Variants in UBR4 observed in about 807,000 individuals in gnomAD.
UBR4 encodes E3 ubiquitin-protein ligase UBR4.
Under a neutral mutation model 575.6 loss-of-function variants are expected in UBR4, and 124 were observed. That is an observed-to-expected ratio of 0.22 (90% CI 0.19 to 0.25). The LOEUF (loss-of-function observed/expected upper bound fraction) is 0.25, where lower values mean the gene tolerates loss of function less well. Ranked by LOEUF, UBR4 falls within the 10% of genes least tolerant of loss-of-function variation. UBR4 has a pLI of 1.00. For synonymous variants in UBR4, 2,455 were observed against 2,473.7 expected, an observed-to-expected ratio of 0.99 and a Z score of 0.22; for missense variants, 4,818 against 6,478.8, an observed-to-expected ratio of 0.74 and a Z score of 8.80.
intron 97 of UBR4, among the ~76,000 whole-genome samples, chr1:19,092,089 C>A (rs1323432688): frequency 1.3e-5 from 2 of 151,834 alleles, no homozygotes; most frequent in African/African-American, 4.8e-5. Flanking sequence ...GTGCCAGGGG[C>A]TTGTGGCAGG....
At position 19,153,185 on chromosome 1, in the gene UBR4, T is replaced by C. The variant is rs2085972313; in HGVS notation, c.6832+116A>G. 12 of 1,213,668 alleles carry C rather than the reference T, an allele frequency of 9.9e-6. No homozygotes were observed. Among genetic ancestry groups the C allele is most frequent in the Non-Finnish European group, 1.4e-5 (12 of 859,526 alleles). 75.2% of individuals were successfully genotyped at this position (1,213,668 alleles called of 1,614,324 possible). ...CTTTTGGGAAATTAACTTTACAAAA[T>C]GTGCAAGTAGGACAGTCACATTTCT... On this transcript the variant is annotated intron_variant, in intron 46 of 105. Coordinates refer to ENST00000375254, the MANE Select transcript of UBR4 (RefSeq NM_020765.3). This position sits in a 1 kb window ranked among gnomAD's most constrained non-coding sequence, Gnocchi z 4.1.
intron 69 of UBR4, 93 bp from the exon 70 acceptor site, chr1:19,119,794 C>G: frequency 1.4e-6 from 2 of 1,480,768 alleles, no homozygotes; most frequent in Non-Finnish European, 9.1e-7. Context: ...AATTTCCCCA[C>G]AATTATGGGT....
chr1:19,208,186 G>A (rs993720286), intron 1 of UBR4, among the ~76,000 whole-genome samples: 2 of 151,834 alleles, frequency 1.3e-5, no homozygotes, highest in African/African-American at 2.4e-5. Context: ...CTTGCCTTCC[G>A]GCTGGGCACG....
chr1:19,187,401 G>C lies in UBR4; in HGVS notation c.1494+40C>G, dbSNP rs140909502. On this transcript the variant is annotated intron_variant, in intron 12 of 105. Transcript: ENST00000375254. ...GCTTGCTTGGCCAGAAGTGGATCCCGCAATCAATATGCTGATTACCATGGG... is the reference window on the plus strand; with the variant it reads ...GCTTGCTTGGCCAGAAGTGGATCCCCCAATCAATATGCTGATTACCATGGG... 1.9e-6 allele frequency: 3 copies of C among 1,611,560 alleles called. No homozygotes were observed. The African/African-American group carries it at 4.0e-5, about 22-fold the overall frequency.
At chr1:19,128,076 G>GAAT (rs1486324688) in intron 62 of UBR4, 135 bp downstream of exon 62, 1 of 854,740 alleles carries the variant, frequency 1.2e-6, no homozygotes, top group African/African-American at 1.7e-5. Flanking sequence ...CGCTTTTGTT[G>GAAT]ACTCAACAGA....
chr1:19,166,939 G>T (rs2088594877), intron 29 of UBR4, 83 bp downstream of exon 29: 9 of 1,409,932 alleles, frequency 6.4e-6, no homozygotes, highest in South Asian at 2.4e-5. Flanking sequence ...AGCTATTAAT[G>T]ACCTAAAGGC....
At chr1:19,087,615 A>G (rs994815932) in intron 99 of UBR4, among the ~76,000 whole-genome samples, 1 of 152,268 alleles carries the variant, frequency 6.6e-6, no homozygotes, top group Non-Finnish European at 1.5e-5. Context: ...CATGATGATG[A>G]TAAAGATAAC....
chr1:19,079,510 A>G (rs1368403571), intron 103 of UBR4: 1 of 152,226 alleles, frequency 6.6e-6, no homozygotes, highest in Admixed American at 6.5e-5. Context: ...TGTACTTGCA[A>G]GTTCCTGGCA....
Position 19,187,164 on chromosome 1 carries a change from C to T in UBR4, c.1632G>A (p.Lys544=). Residue 544 remains lysine (K), a splice_region_variant and synonymous_variant, in exon 13 of 106, where the codon AAG becomes AAA. Coordinates refer to ENST00000375254, the MANE Select transcript of UBR4 (RefSeq NM_020765.3). ...LLTLLSTSYR[K]ACVLQRQRKG... ...TATCAATGGCTTAACTCCCACCCAC[C>T]TTTCTGTAGGAAGTTGAAAGTAACG... 3.7e-6 allele frequency: 6 copies of T among 1,606,486 alleles called. No homozygotes were observed. Among genetic ancestry groups the T allele is most frequent in the Non-Finnish European group, 5.1e-6 (6 of 1,175,580 alleles).
chr1:19,160,274 A>G lies in UBR4; in HGVS notation c.5414T>C (p.Phe1805Ser), dbSNP rs1557843322. 6.2e-7 allele frequency: 1 copy of G among 1,605,242 alleles called. No individual in the cohort carries two copies. Among genetic ancestry groups the G allele is most frequent in the Admixed American group, 1.7e-5 (1 of 58,350 alleles). Residue 1805 changes from phenylalanine (F) to serine (S), a missense_variant, in exon 39 of 106, where the codon TTC becomes TCC. Around this residue, in one of 29 missense-constraint regions of UBR4, gnomAD observed 159 missense variants for 174.6 expected, o/e 0.91. Coordinates refer to ENST00000375254, the MANE Select transcript of UBR4 (RefSeq NM_020765.3). ...GTCTAACACGAGAGGAGCGAAGGAG[A>G]AATTGGCCTGAGAAAAATAGAAAAA... ...CREELQNQAN[F>S]SFAPLVLDML...
intron 87 of UBR4, among the ~76,000 whole-genome samples, chr1:19,103,247 T>C (rs1570496072): frequency 2.0e-5 from 3 of 152,224 alleles, no homozygotes; most frequent in African/African-American, 4.8e-5. Flanking sequence ...AAATGTTTAA[T>C]ATGCTTATAG....
intron 73 of UBR4, among the ~76,000 whole-genome samples, chr1:19,116,443 C>A (rs1392175133): frequency 6.6e-6 from 1 of 151,974 alleles, no homozygotes; most frequent in African/African-American, 2.4e-5. Context: ...CTTTTCAAGG[C>A]AAGAAGAGAA....
intron 84 of UBR4, 118 bp from the exon 85 acceptor site, chr1:19,105,307 C>A: frequency 8.0e-7 from 1 of 1,257,122 alleles, no homozygotes; most frequent in East Asian, 2.5e-5. Context: ...CTCCTGCTTC[C>A]TAGAGGGTGG....
chr1:19,155,721 C>G lies in UBR4; in HGVS notation c.6073-53G>C. ...GGGAAATCTATCTCAGTCCCATCCC[C>G]CAAATATCTTAGTGAATCCAAATAG... On this transcript the variant is annotated intron_variant, in intron 42 of 105. Transcript: ENST00000375254. 4 of 1,488,540 alleles carry G rather than the reference C, an allele frequency of 2.7e-6. No homozygotes were observed. The South Asian group carries it at 3.4e-5, about 13-fold the overall frequency. 92.2% of individuals were successfully genotyped at this position (1,488,540 alleles called of 1,614,324 possible). A position where few individuals can be genotyped will look rare whatever the true frequency, so the allele number is the denominator to read the frequency against.
Position 19,139,867 on chromosome 1 carries a change from G to C in UBR4, c.8594-647C>G, listed in dbSNP as rs1033025636. 2.0e-5 allele frequency among the ~76,000 whole-genome samples: 3 copies of C among 152,262 alleles called. No individual in the cohort carries two copies. Among genetic ancestry groups the C allele is most frequent in the East Asian group, 1.9e-4 (1 of 5,178 alleles). On this transcript the variant is annotated intron_variant, in intron 58 of 105. Coordinates refer to ENST00000375254, the MANE Select transcript of UBR4 (RefSeq NM_020765.3). This position sits in a 1 kb window ranked among gnomAD's most constrained non-coding sequence, Gnocchi z 4.2. ...TCCCCAGAGACAGCCACAGCATCCA[G>C]GATCAGGGCTGAGCTGAGACAGGAG...
At chr1:19,123,207 T>C in intron 65 of UBR4, 147 bp from the exon 66 acceptor site, 1 of 842,110 alleles carries the variant, frequency 1.2e-6, no homozygotes. Context: ...ATCCCAGCAC[T>C]TTGGAATGCC....
rs1210638787 is a variant in UBR4 at position 19,139,018 on chromosome 1, C to G, written c.8731+65G>C. On this transcript the variant is annotated intron_variant, in intron 59 of 105. Coordinates refer to ENST00000375254, the MANE Select transcript of UBR4 (RefSeq NM_020765.3). The surrounding 1 kb of genome is among the most constrained non-coding windows in gnomAD (Gnocchi z 4.2). Reference sequence around the variant, plus strand: ...GCAAAAACCAACCCCAAGACCCAAGCAGAGATTCCTGTTTTGTCCCCACCC... The same window carrying G: ...GCAAAAACCAACCCCAAGACCCAAGGAGAGATTCCTGTTTTGTCCCCACCC... The G allele has an allele frequency of 3.3e-6, 5 of 1,512,028 alleles. No homozygotes were observed. In the African/African-American group the frequency reaches 6.9e-5, roughly 21 times the overall value. The allele number at this position is 1,512,028 out of a possible 1,614,324, so 93.7% of individuals were successfully genotyped here. A position where few individuals can be genotyped will look rare whatever the true frequency, so the allele number is the denominator to read the frequency against.
At chr1:19,164,538 T>A in intron 32 of UBR4, 97 bp from the exon 33 acceptor site, 1 of 1,319,446 alleles carries the variant, frequency 7.6e-7, no homozygotes, top group Non-Finnish European at 1.0e-6. Context: ...AATACATAAC[T>A]ACAATACCAA....
chr1:19,106,710 C>A lies in UBR4; in HGVS notation c.12252G>T (p.Gly4084=). The A allele has an allele frequency of 6.2e-7, 1 of 1,600,676 alleles. No individual in the cohort carries two copies. Among genetic ancestry groups the A allele is most frequent in the South Asian group, 1.1e-5 (1 of 88,744 alleles). ...GGAGCTCTGATTTGCTGGGGGCTTT[C>A]CCATTGCCATCTATCCCTGCAAGGC... is the stretch of plus-strand genomic sequence containing the variant. ...CLPIRGIDGN[G]KAPSKSELRH... Residue 4084 remains glycine (G), a synonymous_variant, in exon 83 of 106, where the codon GGG becomes GGT. Transcript: ENST00000375254.
Sources: allele counts gnomAD v4.1 joint callset (sites outside exome capture counted in the v4.1 genomes callset), GRCh38; gene constraint gnomAD v4.1.1; regional missense constraint gnomAD v4.1.1; non-coding constraint Gnocchi (gnomAD v3.1); transcripts MANE v1.5; gene names NCBI Gene and HGNC (gene_info 2026-07-23, HGNC 2026-07-21).